Variants in CNTNAP2 observed in about 807,000 individuals in gnomAD.
CNTNAP2 encodes contactin associated protein 2.
Under a neutral mutation model 155.2 loss-of-function variants are expected in CNTNAP2, and 98 were observed. The ratio of observed to expected loss-of-function variants is 0.63; its 90% CI spans 0.54 to 0.75. CNTNAP2 has a LOEUF of 0.75. Ranked by LOEUF, CNTNAP2 falls within the 30% of genes least tolerant of loss-of-function variation. CNTNAP2 has a pLI of 0.00. For synonymous variants in CNTNAP2, 651 were observed against 631.2 expected (o/e 1.03, Z -0.47); for missense variants, 1,727 against 1,688.1 (o/e 1.02, Z -0.40).
chr7:146,758,546 G>C (rs924588090), intron 1 of CNTNAP2, among the ~76,000 whole-genome samples: 3 of 152,102 alleles, frequency 2.0e-5, no homozygotes, highest in Admixed American at 2.0e-4. Flanking sequence ...CACGTGGCTG[G>C]GGAGGCTTTG....
At chr7:147,318,761 C>T (rs1370616489) in intron 9 of CNTNAP2, among the ~76,000 whole-genome samples, 1 of 152,042 alleles carries the variant, frequency 6.6e-6, no homozygotes, top group East Asian at 1.9e-4. Context: ...CAGCAAACCA[C>T]CATGGCACAT....
chr7:147,404,885 T>C (rs888558202), intron 10 of CNTNAP2, among the ~76,000 whole-genome samples: 1 of 152,124 alleles, frequency 6.6e-6, no homozygotes, highest in African/African-American at 2.4e-5. Flanking sequence ...AATAGAATAC[T>C]AGAGTGACAA....
chr7:147,258,477 CA>C (rs1398887435), intron 8 of CNTNAP2, among the ~76,000 whole-genome samples: 2 of 152,056 alleles, frequency 1.3e-5, no homozygotes, highest in Non-Finnish European at 2.9e-5. Flanking sequence ...TTTTCCTTCA[CA>C]TTTTTTTTTG....
intron 2 of CNTNAP2, among the ~76,000 whole-genome samples, chr7:146,778,331 C>T (rs543785663): frequency 6.6e-6 from 1 of 152,270 alleles, no homozygotes; most frequent in Admixed American, 6.5e-5. Flanking sequence ...GTTTATGGTT[C>T]TCCACAATAC....
At chr7:147,934,172 G>A (rs887435709) in intron 14 of CNTNAP2, among the ~76,000 whole-genome samples, 2 of 152,142 alleles carry the variant, frequency 1.3e-5, no homozygotes, top group Non-Finnish European at 2.9e-5. Flanking sequence ...ATTTGAGAGA[G>A]TAGATCTCAT....
intron 20 of CNTNAP2, among the ~76,000 whole-genome samples, chr7:148,265,035 A>G (rs763600592): frequency 3.2e-4 from 48 of 152,226 alleles, no homozygotes; most frequent in Non-Finnish European, 5.9e-4. Flanking sequence ...GGTGGAGATT[A>G]TCACCTCCTA....
chr7:146,714,932 T>C (rs1801160935), intron 1 of CNTNAP2, among the ~76,000 whole-genome samples: 1 of 152,140 alleles, frequency 6.6e-6, no homozygotes, highest in Non-Finnish European at 1.5e-5. Context: ...TTGCTAGTTT[T>C]TTCATCTGCA....
intron 3 of CNTNAP2, among the ~76,000 whole-genome samples, chr7:147,007,894 A>G (rs1798553791): frequency 6.6e-6 from 1 of 152,146 alleles, no homozygotes; most frequent in African/African-American, 2.4e-5. Flanking sequence ...AAAATACACT[A>G]AAATAAAATA....
At chr7:147,275,801 T>C (rs767646476) in intron 8 of CNTNAP2, among the ~76,000 whole-genome samples, 3 of 152,114 alleles carry the variant, frequency 2.0e-5, no homozygotes, top group African/African-American at 4.8e-5. Flanking sequence ...GGCTGTGAGT[T>C]TGTCATTTAT....
intron 18 of CNTNAP2, among the ~76,000 whole-genome samples, chr7:148,209,509 T>C (rs942919056): frequency 6.6e-6 from 1 of 152,018 alleles, no homozygotes; most frequent in Non-Finnish European, 1.5e-5. Flanking sequence ...TAATCAGAAA[T>C]TGTCACCACC....
At chr7:146,314,659 G>A (rs1800879329) in intron 1 of CNTNAP2, among the ~76,000 whole-genome samples, 2 of 152,258 alleles carry the variant, frequency 1.3e-5, no homozygotes, top group South Asian at 2.1e-4. Context: ...TGATTTAGGA[G>A]CCAGTCCCAA....
chr7:146,903,573 T>C (rs1796050188), intron 3 of CNTNAP2, among the ~76,000 whole-genome samples: 1 of 152,224 alleles, frequency 6.6e-6, no homozygotes, highest in South Asian at 2.1e-4. Flanking sequence ...AAGAAGATTT[T>C]TATCTTTTAT....
At chr7:146,526,541 C>T (rs563414807) in intron 1 of CNTNAP2, among the ~76,000 whole-genome samples, 1 of 152,212 alleles carries the variant, frequency 6.6e-6, no homozygotes, top group African/African-American at 2.4e-5. Flanking sequence ...ACAAGGACAG[C>T]ACCAAGGGGA....
chr7:146,174,448 T>C (rs1798441113), intron 1 of CNTNAP2, among the ~76,000 whole-genome samples: 1 of 151,996 alleles, frequency 6.6e-6, no homozygotes, highest in Non-Finnish European at 1.5e-5. Flanking sequence ...CTTGAACTCC[T>C]GATCTCAAGT....
chr7:148,261,260 A>C (rs529555185), intron 20 of CNTNAP2, among the ~76,000 whole-genome samples: 33 of 152,230 alleles, frequency 2.2e-4, no homozygotes, highest in African/African-American at 7.7e-4. Flanking sequence ...TCCCGGGTTC[A>C]AGCGAGTCTC....
At chr7:147,418,329 A>C (rs1451699065) in intron 10 of CNTNAP2, among the ~76,000 whole-genome samples, 1 of 152,202 alleles carries the variant, frequency 6.6e-6, no homozygotes, top group African/African-American at 2.4e-5. Flanking sequence ...ATCTGTGTCA[A>C]CAGGACTGGG....
At position 147,481,448 on chromosome 7, in the gene CNTNAP2, G is replaced by T. The variant is rs139155497; in HGVS notation, c.1671-4487G>T. ...AAGAGATGCTATGGGTAAAATAAAA[G>T]TGCAACTGTCATCCACAGCCCTGGA... On this transcript the variant is annotated intron_variant, in intron 10 of 23. Transcript: ENST00000361727. 3.6e-3 allele frequency among the ~76,000 whole-genome samples: 545 copies of T among 152,238 alleles called. 17 individuals are homozygous for T. Among genetic ancestry groups the T allele is most frequent in the Non-Finnish European group, 1.4e-3 (92 of 68,004 alleles).
intron 13 of CNTNAP2, among the ~76,000 whole-genome samples, chr7:147,703,920 G>A (rs568713172): frequency 5.3e-5 from 8 of 152,210 alleles, no homozygotes; most frequent in Admixed American, 1.3e-4. Context: ...CCATGAGGTC[G>A]ATTTTTCAGC....
chr7:147,007,178 T>C (rs540423170), intron 3 of CNTNAP2, among the ~76,000 whole-genome samples: 1 of 152,256 alleles, frequency 6.6e-6, no homozygotes, highest in Admixed American at 6.6e-5. Flanking sequence ...CAAGTCAAAA[T>C]GCACATGCTC....
Sources: gnomAD v4.1 joint callset for allele counts (sites outside exome capture counted in the v4.1 genomes callset) on GRCh38, gnomAD v4.1.1 for gene constraint, MANE v1.5 for transcripts, NCBI Gene and HGNC (gene_info 2026-07-23, HGNC 2026-07-21) for gene names.